Variants in LIMS1 observed in about 807,000 individuals in gnomAD.
LIMS1 encodes the protein LIM and senescent cell antigen-like-containing domain protein 1.
Under a neutral mutation model 44.1 loss-of-function variants are expected in LIMS1, and 18 were observed. The ratio of observed to expected loss-of-function variants is 0.41; its 90% confidence interval spans 0.28 to 0.61. LIMS1 has a LOEUF of 0.61. LIMS1 is among the 20% of genes least tolerant of loss of function. The pLI is 0.32. For synonymous variants in LIMS1, 93 were observed against 149.1 expected (o/e 0.62, Z 2.74); for missense variants, 201 against 422.0 (o/e 0.48, Z 4.59).
Position 108,604,810 on chromosome 2 carries a change from A to G in LIMS1, c.33-54795A>G, listed in dbSNP as rs373016381. ...GGACAGACAGTAAGGCAGCATCTCA[A>G]CTGTACAGAGCACTTGGTAGTCTGA... On this transcript the variant is annotated intron_variant, in intron 1 of 9. Coordinates refer to ENST00000544547, the Ensembl canonical transcript of LIMS1. Among the ~76,000 whole-genome samples, 26 of 152,284 alleles carry G rather than the reference A, an allele frequency of 1.7e-4. No individual in the cohort carries two copies. In the South Asian group the frequency reaches 5.2e-3, roughly 30 times the overall value.
chr2:108,548,549 G>A (rs1054838389), intron 1 of LIMS1, among the ~76,000 whole-genome samples: 3 of 152,178 alleles, frequency 2.0e-5, no homozygotes, highest in South Asian at 2.1e-4. Flanking sequence ...GACAGAGGAC[G>A]TTGGTGAAGT....
intron 1 of LIMS1, among the ~76,000 whole-genome samples, chr2:108,656,620 T>C (rs1427243870): frequency 6.6e-6 from 1 of 151,166 alleles, no homozygotes; most frequent in East Asian, 1.9e-4. Context: ...TTCTGTTTCC[T>C]TTTTCCCCCT....
chr2:108,577,536 G>A (rs1685714537), intron 1 of LIMS1, among the ~76,000 whole-genome samples: 1 of 152,226 alleles, frequency 6.6e-6, no homozygotes, highest in South Asian at 2.1e-4. Context: ...TTTTCAATGT[G>A]TATGTATTTG....
At chr2:108,638,542 G>A (rs765651147) in intron 1 of LIMS1, among the ~76,000 whole-genome samples, 138 of 151,808 alleles carry the variant, frequency 9.1e-4, no homozygotes, top group Non-Finnish European at 1.8e-3. Context: ...TCAGGAGTTC[G>A]AGACCAGCCT....
At chr2:108,653,532 G>A (rs1347876835) in intron 1 of LIMS1, among the ~76,000 whole-genome samples, 6 of 151,986 alleles carry the variant, frequency 3.9e-5, no homozygotes, top group African/African-American at 7.3e-5. Flanking sequence ...GTTTTGGTGG[G>A]TGGCACACTG....
chr2:108,627,484 G>T (rs1395185036), intron 1 of LIMS1, among the ~76,000 whole-genome samples: 1 of 130,042 alleles, frequency 7.7e-6, no homozygotes, highest in African/African-American at 3.0e-5. Context: ...CTGTAATTTT[G>T]TTGTCAGTAC....
chr2:108,565,459 C>G (rs566633815), intron 1 of LIMS1, among the ~76,000 whole-genome samples: 9 of 152,272 alleles, frequency 5.9e-5, no homozygotes, highest in African/African-American at 2.2e-4. Flanking sequence ...AGTTATAATT[C>G]TATCTTGAAA....
upstream of LIMS1, chr2:108,533,795 ACT>A (rs1236433375): frequency 6.6e-6 from 1 of 152,308 alleles, no homozygotes. Context: ...AAGACTGGAA[ACT>A]CTCCAAGAAA....
intron 1 of LIMS1, among the ~76,000 whole-genome samples, chr2:108,652,414 GTGC>G (rs1573559647): frequency 6.6e-6 from 1 of 151,870 alleles, no homozygotes; most frequent in East Asian, 1.9e-4. Context: ...TCAGGGCATT[GTGC>G]TGAATGAAAA....
intron 1 of LIMS1, among the ~76,000 whole-genome samples, chr2:108,609,900 T>C (rs1687495332): frequency 6.6e-6 from 1 of 152,160 alleles, no homozygotes; most frequent in African/African-American, 2.4e-5. Flanking sequence ...CCCAGCACTT[T>C]GGGAGGCCGA....
chr2:108,632,127 A>G (rs1050455745), intron 1 of LIMS1, among the ~76,000 whole-genome samples: 4 of 152,010 alleles, frequency 2.6e-5, no homozygotes, highest in Admixed American at 2.6e-4. Flanking sequence ...GCCTGCCACC[A>G]TGCTTGGCTA....
At chr2:108,656,317 CTATAGATAGATAGATA>C (rs1186347314) in intron 1 of LIMS1, among the ~76,000 whole-genome samples, 22 of 139,912 alleles carry the variant, frequency 1.6e-4, no homozygotes, top group East Asian at 4.1e-4. Context: ...ATCTATCTAT[CTATAGATAGATAGATA>C]GATAGATAGA....
At chr2:108,634,281 C>A (rs112361418) in intron 1 of LIMS1, among the ~76,000 whole-genome samples, 26 of 152,288 alleles carry the variant, frequency 1.7e-4, no homozygotes, top group African/African-American at 5.1e-4. Flanking sequence ...CAGTGACTCT[C>A]ATGTTAATTC....
At chr2:108,626,614 G>GT (rs1488115293) in intron 1 of LIMS1, among the ~76,000 whole-genome samples, 1 of 152,160 alleles carries the variant, frequency 6.6e-6, no homozygotes, top group Non-Finnish European at 1.5e-5. Context: ...ACGTACTGCA[G>GT]TTCAGAATCT....
chr2:108,604,130 T>C (rs975056883), intron 1 of LIMS1, among the ~76,000 whole-genome samples: 4 of 152,222 alleles, frequency 2.6e-5, no homozygotes, highest in Non-Finnish European at 5.9e-5. Flanking sequence ...CATGTATTTA[T>C]ATAGTTTCCA....
chr2:108,652,083 C>T (rs1690532735), intron 1 of LIMS1, among the ~76,000 whole-genome samples: 1 of 145,424 alleles, frequency 6.9e-6, no homozygotes. Flanking sequence ...TTTAGGAGTC[C>T]TGTGCCAGGA....
At position 108,611,611 on chromosome 2, in the gene LIMS1, A is replaced by T. The variant is rs1013673307; in HGVS notation, c.33-47994A>T. On this transcript the variant is annotated intron_variant, in intron 1 of 9. Transcript: ENST00000544547. Reference sequence around the variant, plus strand: ...ATATTGGCTCTAGGCTGGGTGCAGTAGCTCACGCCTGTAATCCCAGCTCTG... The same window carrying T: ...ATATTGGCTCTAGGCTGGGTGCAGTTGCTCACGCCTGTAATCCCAGCTCTG... Among the ~76,000 whole-genome samples the T allele has an allele frequency of 2.6e-5, 4 of 152,138 alleles. No homozygotes were observed. In the East Asian group the frequency reaches 7.7e-4, roughly 29 times the overall value.
chr2:108,550,590 C>T (rs924045285), intron 1 of LIMS1, among the ~76,000 whole-genome samples: 9 of 133,178 alleles, frequency 6.8e-5, no homozygotes, highest in Admixed American at 3.7e-4. Context: ...CTGAGGCAGG[C>T]GGATCACAAG....
Position 108,610,514 on chromosome 2 carries a change from G to A in LIMS1, c.33-49091G>A, listed in dbSNP as rs146882749. ...GTCATTTCATCCCAAAATACCTCAG[G>A]GCTGGTCCCTGAGGAGATGGACATT... On this transcript the variant is annotated intron_variant, in intron 1 of 9. Transcript: ENST00000544547. Among the ~76,000 whole-genome samples, 1,122 of 152,024 alleles carry A rather than the reference G, an allele frequency of 7.4e-3. 7 individuals carry two copies. The highest frequency in any genetic ancestry group is 0.012 in the Non-Finnish European group (840 of 67,976).
Sources: gnomAD v4.1 joint callset for allele counts (sites outside exome capture counted in the v4.1 genomes callset) on GRCh38, gnomAD v4.1.1 for gene constraint, MANE v1.5 for transcripts, NCBI Gene and HGNC (gene_info 2026-07-23, HGNC 2026-07-21) for gene names.